Variants in SLC14A2 observed in about 807,000 individuals in gnomAD.
SLC14A2 encodes the protein solute carrier family 14 member 2.
A neutral mutation model predicts 104.6 loss-of-function variants in SLC14A2; 91 were observed. The observed-to-expected ratio is 0.87, with a 90% confidence interval of 0.73 to 1.04. The LOEUF is 1.04. SLC14A2 is among the 50% of genes least tolerant of loss of function. The pLI, the probability that SLC14A2 is intolerant of heterozygous loss-of-function variation, is 0.00. For synonymous variants in SLC14A2, 476 were observed against 466.4 expected (o/e 1.02, Z -0.27); for missense variants, 1,189 against 1,156.0 (o/e 1.03, Z -0.41).
chr18:45,659,961 C>CA (rs11456560), intron 10 of SLC14A2, among the ~76,000 whole-genome samples: 56,495 of 104,570 alleles, frequency 0.54, 12,387 homozygotes, highest in Admixed American at 0.56. Context: ...ACTGGCTCTA[C>CA]AAAAAAAAAA....
intron 1 of SLC14A2, among the ~76,000 whole-genome samples, chr18:45,292,145 CAGTT>C (rs1320020712): frequency 1.3e-5 from 2 of 152,166 alleles, no homozygotes; most frequent in Non-Finnish European, 2.9e-5. Context: ...TTCCATGAAA[CAGTT>C]AGGGCTCTAA....
At chr18:45,278,996 G>A (rs1027669952) in intron 1 of SLC14A2, among the ~76,000 whole-genome samples, 2 of 152,154 alleles carry the variant, frequency 1.3e-5, no homozygotes, top group Non-Finnish European at 2.9e-5. Context: ...AAACAAGTAC[G>A]AGAGAGATAA....
intron 2 of SLC14A2, among the ~76,000 whole-genome samples, chr18:45,555,956 G>T (rs1344871364): frequency 6.6e-6 from 1 of 152,130 alleles, no homozygotes; most frequent in Non-Finnish European, 1.5e-5. Flanking sequence ...TAGTTCATCT[G>T]GGCTGCTATA....
upstream of SLC14A2, among the ~76,000 whole-genome samples, chr18:45,212,349 G>T (rs2083968547): frequency 6.6e-6 from 1 of 152,156 alleles, no homozygotes; most frequent in African/African-American, 2.4e-5. Flanking sequence ...TAGCAGAACT[G>T]GATTTTAATC....
At chr18:45,490,205 A>G (rs1485988401) in intron 2 of SLC14A2, among the ~76,000 whole-genome samples, 4 of 152,246 alleles carry the variant, frequency 2.6e-5, no homozygotes, top group Non-Finnish European at 5.9e-5. Flanking sequence ...AGATGAATTT[A>G]CACTGTAGAC....
Position 45,648,406 on chromosome 18 carries a change from C to T in SLC14A2, c.1351+4246C>T, listed in dbSNP as rs376033016. ...ATTTTTAGTAGAGATGGGGTTTCAC[C>T]GTGTTAGCCAGGATGGTCTCGATCT... On this transcript the variant is annotated intron_variant, in intron 10 of 19. Coordinates refer to ENST00000255226, the MANE Select transcript of SLC14A2 (RefSeq NM_007163.4). Among the ~76,000 whole-genome samples the T allele has an allele frequency of 4.5e-4, 69 of 151,964 alleles. No individual in the cohort carries two copies. In the East Asian group the frequency reaches 6.8e-3, roughly 15 times the overall value.
At chr18:45,273,613 A>G (rs900165858) in intron 1 of SLC14A2, among the ~76,000 whole-genome samples, 5 of 152,066 alleles carry the variant, frequency 3.3e-5, no homozygotes, top group Non-Finnish European at 7.4e-5. Context: ...CCAAGAGGAG[A>G]AGGAGGAAGC....
At chr18:45,484,342 T>C (rs2087556093) in intron 2 of SLC14A2, among the ~76,000 whole-genome samples, 1 of 152,184 alleles carries the variant, frequency 6.6e-6, no homozygotes, top group African/African-American at 2.4e-5. Context: ...GGCCTTGAGG[T>C]AGTCTCTGGC....
intron 1 of SLC14A2, among the ~76,000 whole-genome samples, chr18:45,465,294 G>T (rs1169787791): frequency 6.6e-6 from 1 of 152,184 alleles, no homozygotes; most frequent in East Asian, 1.9e-4. Flanking sequence ...GCATATGTGT[G>T]CAGAGGGGAA....
chr18:45,643,227 G>C (rs1026092171), intron 9 of SLC14A2, 46 bp downstream of exon 9: 1 of 1,554,126 alleles, frequency 6.4e-7, no homozygotes, highest in Non-Finnish European at 8.9e-7. Context: ...GCTCTTCCCA[G>C]AGCTTCTGGA....
the SLC14A2 span, among the ~76,000 whole-genome samples, chr18:45,182,020 C>T: frequency 2.4e-4 from 37 of 151,904 alleles, no homozygotes; most frequent in African/African-American, 8.4e-4. Context: ...GATTTATGGC[C>T]AAAAGAGAAT....
At chr18:45,194,750 A>G in the SLC14A2 span, among the ~76,000 whole-genome samples, 1 of 145,196 alleles carries the variant, frequency 6.9e-6, no homozygotes, top group African/African-American at 2.6e-5. Context: ...GGTTCACGCC[A>G]TTCTTCTGCC....
Position 45,254,214 on chromosome 18 carries a change from A to T in SLC14A2, c.-125+41023A>T, listed in dbSNP as rs963353187. ...ATGTGCCTCCTCAAAGAACCAATAG[A>T]GCTCCAGCTCTACTAACTGGGTAAA... On this transcript the variant is annotated intron_variant, in intron 1 of 20. Transcript: ENST00000586448. Among the ~76,000 whole-genome samples the T allele has an allele frequency of 2.0e-5, 3 of 152,190 alleles. No homozygotes were observed. The East Asian group carries it at 5.8e-4, about 29-fold the overall frequency.
At chr18:45,467,371 T>G (rs1015205049) in intron 1 of SLC14A2, among the ~76,000 whole-genome samples, 1 of 152,180 alleles carries the variant, frequency 6.6e-6, no homozygotes, top group Non-Finnish European at 1.5e-5. Flanking sequence ...TCCCCCATAT[T>G]GGCTGTTGTT....
At chr18:45,525,677 G>T (rs2043585984) in intron 2 of SLC14A2, among the ~76,000 whole-genome samples, 1 of 152,170 alleles carries the variant, frequency 6.6e-6, no homozygotes, top group African/African-American at 2.4e-5. Context: ...TGGTAGATCT[G>T]CCCAGGAGTT....
chr18:45,595,852 G>A (rs2044712795), intron 2 of SLC14A2, among the ~76,000 whole-genome samples: 1 of 152,124 alleles, frequency 6.6e-6, no homozygotes, highest in Non-Finnish European at 1.5e-5. Context: ...CTCAAACTCT[G>A]ATGTTCGGAG....
At chr18:45,499,280 G>T (rs751966943) in intron 2 of SLC14A2, among the ~76,000 whole-genome samples, 1 of 152,206 alleles carries the variant, frequency 6.6e-6, no homozygotes, top group Non-Finnish European at 1.5e-5. Context: ...TATCTCAAAA[G>T]GTCCCTAAAT....
intron 1 of SLC14A2, among the ~76,000 whole-genome samples, chr18:45,267,503 C>A (rs529073577): frequency 2.6e-5 from 4 of 152,276 alleles, no homozygotes; most frequent in African/African-American, 9.6e-5. Context: ...TGTGAGCTAG[C>A]CTACACATCA....
At chr18:45,590,588 C>T (rs2044633714) in intron 2 of SLC14A2, among the ~76,000 whole-genome samples, 1 of 152,146 alleles carries the variant, frequency 6.6e-6, no homozygotes, top group South Asian at 2.1e-4. Context: ...GCGGGGCTCT[C>T]CTTTCCCAGG....
Sources: gnomAD v4.1 joint callset for allele counts (sites outside exome capture counted in the v4.1 genomes callset) on GRCh38, gnomAD v4.1.1 for gene constraint, MANE v1.5 for transcripts, NCBI Gene and HGNC (gene_info 2026-07-23, HGNC 2026-07-21) for gene names.